BCLAF3: variants seen among roughly 807,000 people sequenced by gnomAD.
The protein encoded by BCLAF3 is transient octamer binding factor 1.
In BCLAF3, 24 loss-of-function variants were observed where a neutral mutation model predicts 51.2. The observed-to-expected ratio is 0.47, with a 90% CI of 0.34 to 0.66. BCLAF3 has a LOEUF of 0.66. Among genes scored for constraint, BCLAF3 ranks in the 30% least tolerant of loss-of-function variants. The pLI is 0.01. For missense variants in BCLAF3, 465 were observed against 525.1 expected (o/e 0.89, Z 1.12); for synonymous variants, 152 against 176.6 (o/e 0.86, Z 1.10).
At chrX:19,940,121 C>A (rs1346738247) in intron 8 of BCLAF3, among the ~76,000 whole-genome samples, 1 of 111,358 alleles carries the variant, frequency 9.0e-6, no homozygotes, top group Non-Finnish European at 1.9e-5. Context: ...AAAATTAAAT[C>A]CTTTGATATT....
At chrX:19,960,722 A>G (rs1362616506) in intron 4 of BCLAF3, among the ~76,000 whole-genome samples, 1 of 110,991 alleles carries the variant, frequency 9.0e-6, no homozygotes, top group African/African-American at 3.3e-5. Flanking sequence ...GGCTTTTCAC[A>G]TTGTTCCCTG....
At chrX:19,933,160 C>T (rs2070630161) in intron 10 of BCLAF3, among the ~76,000 whole-genome samples, 1 of 111,812 alleles carries the variant, frequency 8.9e-6, no homozygotes, top group African/African-American at 3.2e-5. Context: ...TGTAGCAAGA[C>T]CCATAACATC....
At chrX:19,917,452 C>T (rs1351399079) in intron 11 of BCLAF3, 118 bp from the exon 12 acceptor site, 8 of 602,885 alleles carry the variant, frequency 1.3e-5, no homozygotes, top group Admixed American at 1.2e-4. Flanking sequence ...ACTTGCACCC[C>T]GAGATTCCCA....
At chrX:19,938,193 G>A (rs971298441) in intron 8 of BCLAF3, among the ~76,000 whole-genome samples, 6 of 110,777 alleles carry the variant, frequency 5.4e-5, no homozygotes, top group Non-Finnish European at 7.6e-5. Flanking sequence ...ATTCCTCTCC[G>A]TGTCACATCC....
chrX:19,969,952 G>T (rs749338397), intron 2 of BCLAF3, among the ~76,000 whole-genome samples: 38 of 112,169 alleles, frequency 3.4e-4, no homozygotes, highest in African/African-American at 1.2e-3. Flanking sequence ...GTTCTAAACT[G>T]CTCACTAATT....
chrX:19,980,522 T>G (rs1034768700), intron 1 of BCLAF3, among the ~76,000 whole-genome samples: 3 of 112,230 alleles, frequency 2.7e-5, no homozygotes, highest in African/African-American at 9.7e-5. Context: ...AGGATGAGCT[T>G]TATTCAACTA....
intron 8 of BCLAF3, among the ~76,000 whole-genome samples, chrX:19,947,221 GAC>G (rs1284966101): frequency 8.9e-6 from 1 of 111,935 alleles, no homozygotes; most frequent in Non-Finnish European, 1.9e-5. Context: ...CAGCTAAAAC[GAC>G]AGTCTGTCGT....
At chrX:19,946,885 C>T (rs1351595751) in intron 8 of BCLAF3, among the ~76,000 whole-genome samples, 3 of 112,280 alleles carry the variant, frequency 2.7e-5, no homozygotes, top group South Asian at 3.7e-4. Flanking sequence ...AAGTGTACTC[C>T]ATGATCACCC....
chrX:19,919,842 G>C (rs921369292), intron 11 of BCLAF3, among the ~76,000 whole-genome samples: 8 of 90,992 alleles, frequency 8.8e-5, no homozygotes, highest in African/African-American at 3.3e-4. Context: ...GGATGACAGA[G>C]TGAGACTTCG....
At chrX:19,961,183 T>C (rs2071841683) in intron 4 of BCLAF3, among the ~76,000 whole-genome samples, 1 of 112,643 alleles carries the variant, frequency 8.9e-6, no homozygotes, top group African/African-American at 3.2e-5. Flanking sequence ...ATGTTTTGCA[T>C]ATGTAACAAC....
chrX:19,971,790 G>A (rs1023216178), intron 1 of BCLAF3, among the ~76,000 whole-genome samples: 1 of 111,977 alleles, frequency 8.9e-6, no homozygotes, highest in South Asian at 3.7e-4. Context: ...GAATAAATAA[G>A]TGTATGTCTC....
At chrX:19,955,102 C>G (rs747658122) in intron 5 of BCLAF3, among the ~76,000 whole-genome samples, 1 of 111,351 alleles carries the variant, frequency 9.0e-6, no homozygotes, top group South Asian at 3.7e-4. Flanking sequence ...GTTATTGTTT[C>G]TTACTGCTCT....
rs190105854 is a variant in BCLAF3 at position 19,973,719 on chromosome X, T to C, written c.-34-3421A>G. Among the ~76,000 whole-genome samples, 6 of 112,235 alleles carry C rather than the reference T, an allele frequency of 5.3e-5. 1 individual carries two copies. In the East Asian group the frequency reaches 1.7e-3, roughly 31 times the overall value. On this transcript the variant is annotated intron_variant, in intron 1 of 11. Transcript: ENST00000379682. Reference sequence around the variant, plus strand: ...CTTCTTTCTCCTTGGGAATTCTGGGTTTATTTTGCAATTATTTCAACACAT... The same window carrying C: ...CTTCTTTCTCCTTGGGAATTCTGGGCTTATTTTGCAATTATTTCAACACAT...
intron 10 of BCLAF3, among the ~76,000 whole-genome samples, chrX:19,933,203 G>A (rs1007780716): frequency 8.9e-5 from 10 of 112,268 alleles, no homozygotes; most frequent in South Asian, 3.7e-4. Context: ...AGTGAAAGCC[G>A]AAATGTATGC....
chrX:19,971,080 T>C lies in BCLAF3; in HGVS notation c.-34-782A>G, dbSNP rs147068156. On this transcript the variant is annotated intron_variant, in intron 1 of 11. Coordinates refer to ENST00000379682, the MANE Select transcript of BCLAF3 (RefSeq NM_001367774.2). ...AATTGTTAGATTCTAAGAATTATAATTTCTTCTTTTAAAATTTCTTTTCTT... is the reference window on the plus strand; with the variant it reads ...AATTGTTAGATTCTAAGAATTATAACTTCTTCTTTTAAAATTTCTTTTCTT... 7.1e-3 allele frequency among the ~76,000 whole-genome samples: 801 copies of C among 112,307 alleles called. 18 individuals are homozygous for C. In the Admixed American group the frequency reaches 0.072, roughly 10 times the overall value.
intron 1 of BCLAF3, among the ~76,000 whole-genome samples, chrX:19,978,821 T>G (rs889126474): frequency 1.3e-4 from 14 of 110,086 alleles, no homozygotes; most frequent in African/African-American, 4.6e-4. Flanking sequence ...AGGCTGGTCT[T>G]GATCTCCTAT....
At chrX:19,976,167 T>C (rs1234031110) in intron 1 of BCLAF3, among the ~76,000 whole-genome samples, 1 of 111,816 alleles carries the variant, frequency 8.9e-6, no homozygotes, top group Non-Finnish European at 1.9e-5. Context: ...TCCAACATTT[T>C]CTCCTCTTAC....
In BCLAF3 at chrX:19,966,130, T is replaced by A; in HGVS notation, c.561A>T (p.Ser187=). Residue 187 remains serine (S), a synonymous_variant, in exon 3 of 12, where the codon TCA becomes TCT. Transcript: ENST00000379682. ...CAAAGTCTTCAGAGCCTCTTCTAGT[T>A]GACTGGGAGTATTTTTCTTCTTGTA... ...QRIQEEKYSQ[S]TRRGSEDFET... 2 of 1,211,688 alleles carry A rather than the reference T, an allele frequency of 1.7e-6. No homozygotes were observed. Among genetic ancestry groups the A allele is most frequent in the Non-Finnish European group, 2.2e-6 (2 of 895,472 alleles).
At chrX:19,927,698 G>T (rs958532767) in intron 11 of BCLAF3, among the ~76,000 whole-genome samples, 12 of 107,449 alleles carry the variant, frequency 1.1e-4, no homozygotes, top group Non-Finnish European at 1.7e-4. Context: ...AATAGTTGGG[G>T]GTCTTGCTAT....
Sources: allele counts gnomAD v4.1 joint callset (sites outside exome capture counted in the v4.1 genomes callset), GRCh38; gene constraint gnomAD v4.1.1; transcripts MANE v1.5; gene names NCBI Gene and HGNC (gene_info 2026-07-23, HGNC 2026-07-21).